The following PLS1 variants were observed in gnomAD, a reference collection of about 807,000 sequenced individuals.
PLS1 encodes plastin-1.
A neutral mutation model predicts 73.7 loss-of-function variants in PLS1; 32 were observed. The observed-to-expected ratio is 0.43, with a 90% CI of 0.33 to 0.58. The LOEUF (loss-of-function observed/expected upper bound fraction) is 0.58, where lower values mean the gene tolerates loss of function less well. Ranked by LOEUF, PLS1 falls within the 20% of genes least tolerant of loss-of-function variation. The probability of loss-of-function intolerance (pLI) is 0.04; values close to 1 mark genes in which losing one functional copy is unlikely to be tolerated. For synonymous variants in PLS1, 217 were observed against 261.3 expected (o/e 0.83, Z 1.63); for missense variants, 633 against 740.5 (o/e 0.85, Z 1.68).
chr3:142,597,867 G>C (rs1333048446), intron 1 of PLS1, among the ~76,000 whole-genome samples: 1 of 152,156 alleles, frequency 6.6e-6, no homozygotes, highest in Non-Finnish European at 1.5e-5. Flanking sequence ...CAGAAAATTA[G>C]TTGTTTCTCT....
chr3:142,679,757 G>T (rs2037807628), intron 6 of PLS1, among the ~76,000 whole-genome samples: 2 of 152,216 alleles, frequency 1.3e-5, no homozygotes, highest in Admixed American at 6.5e-5. Context: ...GGCAATGCGG[G>T]CTCTTTTTTG....
intron 3 of PLS1, 62 bp downstream of exon 3, chr3:142,669,615 T>A: frequency 8.9e-7 from 1 of 1,129,402 alleles, no homozygotes; most frequent in Non-Finnish European, 1.3e-6. Flanking sequence ...TGTAGTAATG[T>A]CATCACTAGC....
intron 1 of PLS1, among the ~76,000 whole-genome samples, chr3:142,645,946 A>C (rs989738443): frequency 1.3e-5 from 2 of 152,122 alleles, no homozygotes; most frequent in Non-Finnish European, 1.5e-5. Context: ...TAACAGGAGA[A>C]GGTCTTAGGG....
chr3:142,598,515 G>A (rs1188458291), intron 1 of PLS1, among the ~76,000 whole-genome samples: 1 of 152,126 alleles, frequency 6.6e-6, no homozygotes, highest in East Asian at 1.9e-4. Context: ...GTAAAAACAC[G>A]GGTCAGTTGG....
intron 11 of PLS1, among the ~76,000 whole-genome samples, chr3:142,696,332 C>T (rs1177707190): frequency 6.6e-6 from 1 of 152,106 alleles, no homozygotes; most frequent in Non-Finnish European, 1.5e-5. Flanking sequence ...CAAGAAATAC[C>T]AGCATAGGGC....
At position 142,596,441 on chromosome 3, in the gene PLS1, G is replaced by GTGGACC. The variant is rs2035817069; in HGVS notation, c.-102_-97dup. On this transcript the variant is annotated 5_prime_UTR_variant, in exon 1 of 16. Transcript: ENST00000457734. ...GCGGGCGCGGAGAGGTAGCCGCAGA[G>GTGGACC]TGGACCTGCAGGTACTTGGATCTCC... The GTGGACC allele has an allele frequency of 1.3e-5, 2 of 152,406 alleles. No individual in the cohort carries two copies. The highest frequency in any genetic ancestry group is 4.8e-5 in the African/African-American group (2 of 41,484). 9.4% of individuals were successfully genotyped at this position (152,406 alleles called of 1,614,324 possible).
At chr3:142,669,909 T>G (rs2037569033) in intron 3 of PLS1, among the ~76,000 whole-genome samples, 1 of 152,234 alleles carries the variant, frequency 6.6e-6, no homozygotes, top group Non-Finnish European at 1.5e-5. Context: ...ATTAAGCAGG[T>G]ATTTTAGCTC....
In PLS1 at chr3:142,704,444, T is replaced by C; in HGVS notation, c.1506-19T>C. 1.3e-6 allele frequency: 2 copies of C among 1,589,176 alleles called. No individual in the cohort carries two copies. Among genetic ancestry groups the C allele is most frequent in the Non-Finnish European group, 1.7e-6 (2 of 1,165,922 alleles). On this transcript the variant is annotated intron_variant, in intron 13 of 15. Transcript: ENST00000457734. ...ATTTCACCCTTTTCAGTCTCAAATA[T>C]ACATCTTTTCTGTTGCAGGTACACA...
chr3:142,701,937 A>C lies in PLS1; in HGVS notation c.1372-1931A>C, dbSNP rs1388222329. The stretch of plus-strand genomic sequence containing the variant: ...GTTATTTTCCATAAATTAGGAATCT[A>C]TTCTATTTTTTAAAGTCTACATTCT... On this transcript the variant is annotated intron_variant, in intron 12 of 15. Transcript: ENST00000457734. Among the ~76,000 whole-genome samples the C allele has an allele frequency of 9.9e-5, 15 of 152,234 alleles. 1 individual carries two copies. Among genetic ancestry groups the C allele is most frequent in the Admixed American group, 9.8e-4 (15 of 15,282 alleles).
intron 1 of PLS1, among the ~76,000 whole-genome samples, chr3:142,611,512 C>G (rs1227251084): frequency 1.3e-5 from 2 of 152,158 alleles, no homozygotes; most frequent in Non-Finnish European, 2.9e-5. Flanking sequence ...GTCTTAGCTA[C>G]TCAGGAGGCT....
intron 1 of PLS1, among the ~76,000 whole-genome samples, chr3:142,635,383 A>G (rs973159104): frequency 1.2e-4 from 19 of 152,012 alleles, no homozygotes; most frequent in African/African-American, 4.1e-4. Flanking sequence ...TCTCAATTAA[A>G]AAGTAGAGAT....
intron 11 of PLS1, among the ~76,000 whole-genome samples, chr3:142,696,420 G>A (rs956032455): frequency 6.6e-6 from 1 of 152,186 alleles, no homozygotes; most frequent in South Asian, 2.1e-4. Context: ...TAATCTTGGA[G>A]AACCGTCAGA....
intron 1 of PLS1, chr3:142,645,716 A>G (rs1235704512): frequency 1.3e-5 from 2 of 152,228 alleles, no homozygotes; most frequent in Admixed American, 1.3e-4. Context: ...GTCTGAGCAT[A>G]ATCTCTAATG....
Position 142,713,458 on chromosome 3 carries a change from A to G in PLS1, c.*1451A>G, listed in dbSNP as rs1296847610. The G allele has an allele frequency of 6.6e-6, 1 of 152,518 alleles. No individual in the cohort carries two copies. The highest frequency in any genetic ancestry group is 2.4e-5 in the African/African-American group (1 of 41,424). The allele number at this position is 152,518 out of a possible 1,614,324, so 9.4% of individuals were successfully genotyped here. A position where few individuals can be genotyped will look rare whatever the true frequency, so the allele number is the denominator to read the frequency against. ...TGAAATATATTCTTCTACAAAAGAG[A>G]TTTCTTTCCCTTTTATATTTTGATG... On this transcript the variant is annotated 3_prime_UTR_variant, in exon 16 of 16. Coordinates refer to ENST00000457734, the MANE Select transcript of PLS1 (RefSeq NM_001145319.2).
intron 1 of PLS1, among the ~76,000 whole-genome samples, chr3:142,655,881 T>A (rs1039073119): frequency 6.6e-6 from 1 of 152,166 alleles, no homozygotes; most frequent in Non-Finnish European, 1.5e-5. Flanking sequence ...GAAATTATTT[T>A]ATGTGTTTGA....
Position 142,695,597 on chromosome 3 carries a change from T to A in PLS1, c.1256+1050T>A, listed in dbSNP as rs148844500. ...GACTGATTTGAAAGAATGTCTATAATATATAGTCAAGAAAAAAGAATAACA... is the reference window on the plus strand; with the variant it reads ...GACTGATTTGAAAGAATGTCTATAAAATATAGTCAAGAAAAAAGAATAACA... On this transcript the variant is annotated intron_variant, in intron 11 of 15. Coordinates refer to ENST00000457734, the MANE Select transcript of PLS1 (RefSeq NM_001145319.2). Among the ~76,000 whole-genome samples the A allele has an allele frequency of 5.0e-3, 763 of 152,254 alleles. 10 individuals are homozygous for A. The highest frequency in any genetic ancestry group is 0.016 in the African/African-American group (680 of 41,536).
chr3:142,637,939 A>C (rs186786882), intron 1 of PLS1, among the ~76,000 whole-genome samples: 3 of 150,542 alleles, frequency 2.0e-5, no homozygotes, highest in African/African-American at 7.4e-5. Flanking sequence ...TTATTCCTCT[A>C]CTCATCCTCC....
chr3:142,670,189 A>G (rs2037575326), intron 3 of PLS1, among the ~76,000 whole-genome samples: 1 of 152,218 alleles, frequency 6.6e-6, no homozygotes, highest in Non-Finnish European at 1.5e-5. Context: ...CTGAAGAAAG[A>G]TGTTAAACAG....
At chr3:142,654,933 C>G (rs1483606077) in intron 1 of PLS1, 1 of 151,964 alleles carries the variant, frequency 6.6e-6, no homozygotes, top group African/African-American at 2.4e-5. Flanking sequence ...ATCTAGTACT[C>G]CTTATGCTCT....
Sources: allele counts gnomAD v4.1 joint callset (sites outside exome capture counted in the v4.1 genomes callset), GRCh38; gene constraint gnomAD v4.1.1; transcripts MANE v1.5; gene names NCBI Gene and HGNC (gene_info 2026-07-23, HGNC 2026-07-21).